Variants in MIA2 observed in about 807,000 individuals in gnomAD.
MIA2 encodes melanoma inhibitory activity protein 2.
A neutral mutation model predicts 167.8 loss-of-function variants in MIA2; 127 were observed. That is an observed-to-expected ratio of 0.76 (90% confidence interval 0.66 to 0.88). The LOEUF (loss-of-function observed/expected upper bound fraction) is 0.88. MIA2 is among the 40% of genes least tolerant of loss of function. MIA2 has a pLI of 0.00. For missense variants in MIA2, 1,690 were observed against 1,624.7 expected, an observed-to-expected ratio of 1.04 and a Z score of -0.69; for synonymous variants, 552 against 541.9, an observed-to-expected ratio of 1.02 and a Z score of -0.26.
chr14:39,274,686 A>G (rs1394205906), intron 6 of MIA2, among the ~76,000 whole-genome samples: 1 of 150,482 alleles, frequency 6.6e-6, no homozygotes, highest in Non-Finnish European at 1.5e-5. Flanking sequence ...TTGGCCTCCC[A>G]AAGTGCTGGG....
At chr14:39,245,371 T>C (rs72673381) in intron 3 of MIA2, among the ~76,000 whole-genome samples, 10,688 of 152,052 alleles carry the variant, frequency 0.07, 396 homozygotes, top group African/African-American at 0.096. Context: ...CTAATATAGC[T>C]GATGAGCTAA....
rs1567053052 is a variant in MIA2 at position 39,365,653 on chromosome 14, ATCTAT to A, written c.2248+16677_2248+16681del. ...GATACCTGGGTTTTTAAAAATACCT[ATCTAT>A]CTATCTATCTATCTATCTATCTATC... On this transcript the variant is annotated intron_variant, in intron 23 of 23. Transcript: ENST00000341502. Among the ~76,000 whole-genome samples the A allele has an allele frequency of 2.0e-3, 4 of 1,970 alleles. No individual in the cohort carries two copies. In the African/African-American group the frequency reaches 0.023, roughly 11 times the overall value. 1.3% of individuals were successfully genotyped at this position (1,970 alleles called of 152,430 possible). A position where few individuals can be genotyped will look rare whatever the true frequency, so the allele number is the denominator to read the frequency against.
chr14:39,271,216 G>T (rs890478980), intron 6 of MIA2, among the ~76,000 whole-genome samples: 1 of 152,100 alleles, frequency 6.6e-6, no homozygotes, highest in Non-Finnish European at 1.5e-5. Context: ...TTGTTTGAAA[G>T]AACTGTTTTT....
At chr14:39,373,117 C>T (rs1376745076) in intron 23 of MIA2, among the ~76,000 whole-genome samples, 1 of 152,012 alleles carries the variant, frequency 6.6e-6, no homozygotes, top group Non-Finnish European at 1.5e-5. Context: ...TAAATTAGCA[C>T]ATGTACCCTA....
chr14:39,322,283 C>T (rs1235544796), intron 24 of MIA2, among the ~76,000 whole-genome samples: 2 of 152,048 alleles, frequency 1.3e-5, no homozygotes, highest in Non-Finnish European at 2.9e-5. Context: ...TGGCTCATGC[C>T]TGTAATCCCA....
At position 39,248,218 on chromosome 14, in the gene MIA2, A is replaced by G. The variant is rs1299644501; in HGVS notation, c.1567+77A>G. On this transcript the variant is annotated intron_variant, in intron 4 of 28. Coordinates refer to ENST00000640607, the MANE Select transcript of MIA2 (RefSeq NM_001329214.4). ...TATTTTTATAAGTGCAAATCAGATG[A>G]AAAAGTCCAGGAATCCACGTTTTTC... 2.7e-6 allele frequency: 3 copies of G among 1,116,392 alleles called. No individual in the cohort carries two copies. The African/African-American group carries it at 4.9e-5, about 18-fold the overall frequency. The allele number at this position is 1,116,392 out of a possible 1,614,324, so 69.2% of individuals were successfully genotyped here. A position where few individuals can be genotyped will look rare whatever the true frequency, so the allele number is the denominator to read the frequency against.
rs548316171 is a variant in MIA2, at chr14:39,338,034, T to C, written c.3656-7870T>C. Among the ~76,000 whole-genome samples the C allele has an allele frequency of 2.0e-5, 3 of 152,244 alleles. No homozygotes were observed. In the East Asian group the frequency reaches 5.8e-4, roughly 29 times the overall value. ...CACTGTGCCCGGCCATATATAACAT[T>C]CTTGAAATGACGGTATAGAAACAGA... On this transcript the variant is annotated intron_variant, in intron 25 of 28. Coordinates refer to ENST00000640607, the MANE Select transcript of MIA2 (RefSeq NM_001329214.4).
chr14:39,243,802 G>T (rs2054169367), intron 3 of MIA2, among the ~76,000 whole-genome samples: 1 of 152,188 alleles, frequency 6.6e-6, no homozygotes, highest in Admixed American at 6.5e-5. Context: ...GGAGGCAGAG[G>T]TTGCAGTGAG....
intron 6 of MIA2, among the ~76,000 whole-genome samples, chr14:39,256,725 T>C (rs1704890155): frequency 1.3e-5 from 2 of 151,948 alleles, no homozygotes; most frequent in South Asian, 2.1e-4. Flanking sequence ...AGTTCAAATA[T>C]AGAAACTATC....
Position 39,248,048 on chromosome 14 carries a change from A to G in MIA2, c.1474A>G (p.Ile492Val), listed in dbSNP as rs896865861. ...ACAGATACTGGATCAAAATAATGTAATTGAAAATGAAGAAACTGGAGAATT... is the reference window on the plus strand; with the variant it reads ...ACAGATACTGGATCAAAATAATGTAGTTGAAAATGAAGAAACTGGAGAATT... Reference protein sequence around the residue: ...PKQILDQNNVIENEETGEFSI... With the variant: ...PKQILDQNNVVENEETGEFSI... The change falls in exon 4 of 29, where the codon ATT becomes GTT. Residue 492 changes from isoleucine (I) to valine (V), a missense_variant. Transcript: ENST00000640607. 1.3e-6 allele frequency: 2 copies of G among 1,566,278 alleles called. No homozygotes were observed. Among genetic ancestry groups the G allele is most frequent in the Non-Finnish European group, 1.7e-6 (2 of 1,165,342 alleles).
At chr14:39,382,941 G>A (rs926323160) in intron 23 of MIA2, among the ~76,000 whole-genome samples, 3 of 142,372 alleles carry the variant, frequency 2.1e-5, no homozygotes, top group African/African-American at 7.8e-5. Flanking sequence ...ACATATATCT[G>A]CTATGGCCAC....
At chr14:39,298,443 A>ATATATATATATATATATATATGT (rs1372100362) in intron 13 of MIA2, among the ~76,000 whole-genome samples, 1,257 of 49,722 alleles carry the variant, frequency 0.025, 177 homozygotes, top group Non-Finnish European at 0.032. Context: ...ATATATATAT[A>ATATATATATATATATATATATGT]AAGATTAGTT....
At position 39,381,032 on chromosome 14, in the gene MIA2, AAAAAC is replaced by A. The variant is rs1305345298; in HGVS notation, c.2249-5849_2249-5845del. Among the ~76,000 whole-genome samples, 15 of 152,104 alleles carry A rather than the reference AAAAAC, an allele frequency of 9.9e-5. No individual in the cohort carries two copies. In the East Asian group the frequency reaches 2.9e-3, roughly 29 times the overall value. ...TTTTAGTAAAAAAAACAAAAAAAAA[AAAAAC>A]AAAGGTAACAATACAAAAGCAGGCA... On this transcript the variant is annotated intron_variant, in intron 23 of 23. Coordinates refer to the MIA2 transcript ENST00000341502.
chr14:39,312,244 G>C (rs1397585845), intron 18 of MIA2, among the ~76,000 whole-genome samples: 1 of 152,240 alleles, frequency 6.6e-6, no homozygotes, highest in African/African-American at 2.4e-5. Context: ...TTTATCAGGA[G>C]AGGTGTCAAA....
Position 39,246,954 on chromosome 14 carries a change from A to G in MIA2, c.380A>G (p.Asp127Gly). The G allele has an allele frequency of 6.5e-7, 1 of 1,531,088 alleles. No individual in the cohort carries two copies. The highest frequency in any genetic ancestry group is 2.3e-5 in the East Asian group (1 of 44,284). 94.8% of individuals were successfully genotyped at this position (1,531,088 alleles called of 1,614,324 possible). The part of the protein sequence containing the change: ...LCLLGVSYTF[D>G]NEDSELNGDY... ...CTTCTTGGAGTAAGTTACACATTTG[A>G]CAATGAAGATAGTGAATTAAACGGT... The change falls in exon 4 of 29, where the codon GAC becomes GGC. Residue 127 changes from aspartate (D) to glycine (G), a missense_variant. Coordinates refer to ENST00000640607, the MANE Select transcript of MIA2 (RefSeq NM_001329214.4).
At position 39,269,199 on chromosome 14, in the gene MIA2, A is replaced by G. The variant is rs1468179795; in HGVS notation, c.1888-7735A>G. On this transcript the variant is annotated intron_variant, in intron 6 of 28. Transcript: ENST00000640607. Reference sequence around the variant, plus strand: ...TAAAAATTATTTTGTATTGAGATATATTCACACAACATAAAATTCATCCTT... The same window carrying G: ...TAAAAATTATTTTGTATTGAGATATGTTCACACAACATAAAATTCATCCTT... 7.2e-6 allele frequency: 3 copies of G among 415,720 alleles called. No individual in the cohort carries two copies. In the East Asian group the frequency reaches 4.9e-4, roughly 68 times the overall value. 25.8% of individuals were successfully genotyped at this position (415,720 alleles called of 1,614,324 possible). A position where few individuals can be genotyped will look rare whatever the true frequency, so the allele number is the denominator to read the frequency against.
intron 23 of MIA2, among the ~76,000 whole-genome samples, chr14:39,374,562 A>C (rs1326738213): frequency 6.6e-6 from 1 of 152,244 alleles, no homozygotes; most frequent in African/African-American, 2.4e-5. Context: ...GAGAAGACTG[A>C]AAAATGACTC....
At chr14:39,324,535 A>G (rs981129627) in intron 24 of MIA2, among the ~76,000 whole-genome samples, 1 of 152,230 alleles carries the variant, frequency 6.6e-6, no homozygotes, top group African/African-American at 2.4e-5. Context: ...AGTTACCAAG[A>G]AAAGTTAAAA....
rs1566746956 is a variant in MIA2, at chr14:39,288,451, A to ATTTTTTTTTTTT, written c.2131-2567_2131-2566insTTTTTTTTTTTT. On this transcript the variant is annotated intron_variant, in intron 9 of 28. Transcript: ENST00000640607. The stretch of plus-strand genomic sequence containing the variant: ...ATTATACATATATATATATATATAT[A>ATTTTTTTTTTTT]TATATATATATATATATATATATAT... Among the ~76,000 whole-genome samples, 6 of 8,790 alleles carry ATTTTTTTTTTTT rather than the reference A, an allele frequency of 6.8e-4. 1 individual carries two copies. Among genetic ancestry groups the ATTTTTTTTTTTT allele is most frequent in the East Asian group, 1.8e-3 (1 of 552 alleles). 5.8% of individuals were successfully genotyped at this position (8,790 alleles called of 152,430 possible). A position where few individuals can be genotyped will look rare whatever the true frequency, so the allele number is the denominator to read the frequency against.
Sources: gnomAD v4.1 joint callset for allele counts (sites outside exome capture counted in the v4.1 genomes callset) on GRCh38, gnomAD v4.1.1 for gene constraint, MANE v1.5 for transcripts, NCBI Gene and HGNC (gene_info 2026-07-23, HGNC 2026-07-21) for gene names.